ARB2A: variants seen among roughly 807,000 people sequenced by gnomAD.
The protein encoded by ARB2A is ARB2 cotranscriptional regulator A, also known as cotranscriptional regulator ARB2A.
the ARB2A span, among the ~76,000 whole-genome samples, chr5:93,721,677 G>C: frequency 6.6e-6 from 1 of 152,066 alleles, no homozygotes; most frequent in Non-Finnish European, 1.5e-5. Context: ...TAGTAATCTT[G>C]CTGCAGGAAG....
chr5:93,985,367 C>T, the ARB2A span, among the ~76,000 whole-genome samples: 1 of 151,768 alleles, frequency 6.6e-6, no homozygotes, highest in Admixed American at 6.6e-5. Context: ...TGCCCTCTCC[C>T]TCTCTCTCTC....
chr5:93,973,309 A>G, the ARB2A span, among the ~76,000 whole-genome samples: 3 of 151,612 alleles, frequency 2.0e-5, no homozygotes, highest in African/African-American at 7.3e-5. Context: ...TACATCAAGC[A>G]GAAGAAGGAA....
At chr5:93,905,758 T>C in the ARB2A span, among the ~76,000 whole-genome samples, 1 of 151,528 alleles carries the variant, frequency 6.6e-6, no homozygotes, top group Admixed American at 6.6e-5. Context: ...ATTACTTCTT[T>C]AAGTTATTCT....
At chr5:93,962,357 A>G in the ARB2A span, among the ~76,000 whole-genome samples, 4 of 152,232 alleles carry the variant, frequency 2.6e-5, no homozygotes, top group African/African-American at 9.6e-5. Flanking sequence ...CTATACAAGT[A>G]TGAGATATTT....
the ARB2A span, among the ~76,000 whole-genome samples, chr5:93,940,482 C>T: frequency 6.6e-6 from 1 of 151,740 alleles, no homozygotes; most frequent in Admixed American, 6.6e-5. Flanking sequence ...AAATCTTTAA[C>T]TTATAATTAG....
the ARB2A span, chr5:93,740,318 C>G: frequency 2.8e-5 from 12 of 427,054 alleles, no homozygotes; most frequent in Admixed American, 4.7e-4. Flanking sequence ...TCGAAACCAT[C>G]TATATACTGT....
At chr5:93,670,594 G>T in the ARB2A span, among the ~76,000 whole-genome samples, 1 of 152,056 alleles carries the variant, frequency 6.6e-6, no homozygotes. Flanking sequence ...GTTAAGTTTA[G>T]GAAAAAAACA....
chr5:93,931,149 T>C, the ARB2A span, among the ~76,000 whole-genome samples: 1 of 152,168 alleles, frequency 6.6e-6, no homozygotes, highest in African/African-American at 2.4e-5. Flanking sequence ...TCCATGTCCC[T>C]GCAAAGGACA....
At chr5:93,683,799 G>A in the ARB2A span, 13 of 1,203,288 alleles carry the variant, frequency 1.1e-5, no homozygotes, top group African/African-American at 6.1e-5. Flanking sequence ...CGCGCAGGAC[G>A]GAATCACACC....
the ARB2A span, among the ~76,000 whole-genome samples, chr5:93,903,518 T>C: frequency 1.3e-5 from 2 of 151,986 alleles, no homozygotes; most frequent in Non-Finnish European, 2.9e-5. Context: ...CCTGCTAAAA[T>C]TAGCTAGTTT....
the ARB2A span, among the ~76,000 whole-genome samples, chr5:93,977,855 T>G: frequency 6.6e-6 from 1 of 152,082 alleles, no homozygotes; most frequent in African/African-American, 2.4e-5. Flanking sequence ...GAAATTATTT[T>G]AAAACTATGC....
At chr5:93,692,870 A>G in the ARB2A span, among the ~76,000 whole-genome samples, 1 of 152,336 alleles carries the variant, frequency 6.6e-6, no homozygotes, top group East Asian at 1.9e-4. Context: ...CCACAGTGCA[A>G]TCAAATTAGA....
At chr5:93,916,386 A>G in the ARB2A span, among the ~76,000 whole-genome samples, 3 of 152,260 alleles carry the variant, frequency 2.0e-5, no homozygotes, top group East Asian at 5.8e-4. Context: ...ATACATTTAA[A>G]TTTAAAGTAT....
the ARB2A span, among the ~76,000 whole-genome samples, chr5:93,846,880 A>G: frequency 2.0e-5 from 3 of 152,268 alleles, no homozygotes; most frequent in Admixed American, 2.0e-4. Context: ...TTCTTGAAAT[A>G]AGACAACGAT....
At chr5:93,652,636 A>G in the ARB2A span, among the ~76,000 whole-genome samples, 3 of 152,188 alleles carry the variant, frequency 2.0e-5, no homozygotes, top group East Asian at 5.8e-4. Flanking sequence ...GACTTATTCA[A>G]TAGTCACCAT....
chr5:93,969,523 A>T, the ARB2A span, among the ~76,000 whole-genome samples: 1 of 152,172 alleles, frequency 6.6e-6, no homozygotes, highest in East Asian at 1.9e-4. Context: ...CTACTAATAC[A>T]GTAATGCCCT....
chr5:93,771,121 A>T, the ARB2A span, among the ~76,000 whole-genome samples: 14 of 152,314 alleles, frequency 9.2e-5, no homozygotes, highest in South Asian at 2.9e-3. Flanking sequence ...AGATCAATGA[A>T]ACAGAACAGA....
chr5:93,753,005 C>G, the ARB2A span, among the ~76,000 whole-genome samples: 25 of 152,234 alleles, frequency 1.6e-4, no homozygotes, highest in African/African-American at 5.8e-4. Flanking sequence ...CTTAAAGGAT[C>G]AGAATATCTT....
the ARB2A span, among the ~76,000 whole-genome samples, chr5:93,629,540 T>G: frequency 3.3e-5 from 5 of 152,176 alleles, no homozygotes; most frequent in Non-Finnish European, 7.3e-5. Flanking sequence ...TTTAACAATC[T>G]ACACATAATT....
Sources: gnomAD v4.1 joint callset for allele counts (sites outside exome capture counted in the v4.1 genomes callset) on GRCh38, gnomAD v4.1.1 for gene constraint, MANE v1.5 for transcripts, NCBI Gene and HGNC (gene_info 2026-07-23, HGNC 2026-07-21) for gene names.